STAG1: variants seen among roughly 807,000 people sequenced by gnomAD.
STAG1 encodes the protein cohesin subunit SA-1.
A neutral mutation model predicts 170.9 loss-of-function variants in STAG1; 26 were observed. That is an observed-to-expected ratio of 0.15 (90% CI 0.11 to 0.21). The LOEUF is 0.21. Among genes scored for constraint, STAG1 ranks in the 10% least tolerant of loss-of-function variants. The pLI is 1.00. For missense variants in STAG1, 964 were observed against 1,509.5 expected, an observed-to-expected ratio of 0.64 and a Z score of 5.99; for synonymous variants, 514 against 497.7, an observed-to-expected ratio of 1.03 and a Z score of -0.44.
intron 1 of STAG1, among the ~76,000 whole-genome samples, chr3:136,729,162 GT>G (rs1223906622): frequency 6.6e-6 from 1 of 151,784 alleles, no homozygotes; most frequent in Non-Finnish European, 1.5e-5. Context: ...CGTGTGTGTG[GT>G]TTTTTTGTTT....
intron 13 of STAG1, among the ~76,000 whole-genome samples, chr3:136,458,510 CA>C (rs1297510929): frequency 1.3e-5 from 2 of 151,968 alleles, no homozygotes; most frequent in Admixed American, 1.3e-4. Flanking sequence ...AGTGTAATCA[CA>C]AAGCAATGTC....
At chr3:136,370,262 G>A (rs1053874586) in intron 23 of STAG1, among the ~76,000 whole-genome samples, 4 of 152,064 alleles carry the variant, frequency 2.6e-5, no homozygotes, top group East Asian at 1.9e-4. Context: ...CACTGAAGAC[G>A]TTCCAATGAG....
Position 136,422,762 on chromosome 3 carries a change from C to A in STAG1, c.1833+6G>T, listed in dbSNP as rs774244619. ...CAGCTGAATTTCAATTTCATAATATCATTACCTTTTCCATTCTACCTGTGC... is the reference window on the plus strand; with the variant it reads ...CAGCTGAATTTCAATTTCATAATATAATTACCTTTTCCATTCTACCTGTGC... On this transcript the variant is annotated splice_donor_region_variant and intron_variant, in intron 18 of 33. Coordinates refer to ENST00000383202, the MANE Select transcript of STAG1 (RefSeq NM_005862.3). The A allele has an allele frequency of 1.3e-5, 20 of 1,585,796 alleles. No individual in the cohort carries two copies. The highest frequency in any genetic ancestry group is 1.6e-5 in the Non-Finnish European group (19 of 1,168,246).
At chr3:136,609,763 C>G (rs543226174) in intron 3 of STAG1, among the ~76,000 whole-genome samples, 1 of 151,996 alleles carries the variant, frequency 6.6e-6, no homozygotes, top group Non-Finnish European at 1.5e-5. Flanking sequence ...AGTGTAAATG[C>G]TTTTTGTTTT....
chr3:136,715,499 AG>A (rs1943517009), intron 1 of STAG1, among the ~76,000 whole-genome samples: 2 of 152,028 alleles, frequency 1.3e-5, no homozygotes, highest in Non-Finnish European at 2.9e-5. Context: ...ACACACCTGT[AG>A]TGCCAACTAC....
At chr3:136,417,438 C>T (rs1033816164) in intron 21 of STAG1, 1 of 153,954 alleles carries the variant, frequency 6.5e-6, no homozygotes, top group Non-Finnish European at 1.4e-5. Flanking sequence ...TCTACTCTAA[C>T]TTGTATATAT....
chr3:136,397,955 C>CTTTTTTTTTTTT (rs1279839273), intron 22 of STAG1, among the ~76,000 whole-genome samples: 2 of 151,054 alleles, frequency 1.3e-5, no homozygotes, highest in African/African-American at 4.9e-5. Flanking sequence ...TGATGTTATT[C>CTTTTTTTTTTTT]TTTTTTTTGA....
rs1286335066 is a variant in STAG1, at chr3:136,628,430, T to C, written c.29+2440A>G. The stretch of plus-strand genomic sequence containing the variant: ...ATTGTTCCTCCCTACTCACAGTTTA[T>C]CTCATGTCACTCTCCATCCCCAGTG... On this transcript the variant is annotated intron_variant, in intron 2 of 33. Transcript: ENST00000383202. Among the ~76,000 whole-genome samples the C allele has an allele frequency of 3.3e-5, 5 of 152,222 alleles. No individual in the cohort carries two copies. In the East Asian group the frequency reaches 9.6e-4, roughly 29 times the overall value.
intron 1 of STAG1, among the ~76,000 whole-genome samples, chr3:136,684,479 T>C (rs1019387788): frequency 1.3e-5 from 2 of 152,080 alleles, no homozygotes; most frequent in South Asian, 2.1e-4. Context: ...GCGGGGTGCA[T>C]TGGCTCGCGC....
chr3:136,369,133 G>A lies in STAG1; in HGVS notation c.2520C>T (p.Asp840=). Residue 840 remains aspartate (D), a synonymous_variant, in exon 24 of 34, where the codon GAC becomes GAT. Coordinates refer to ENST00000383202, the MANE Select transcript of STAG1 (RefSeq NM_005862.3). ...LSFVMDHVFI[D]QDEENQSMEG... is the part of the protein sequence containing the mutation. ...CCATGCTCTGGTTCTCCTCGTCTTG[G>A]TCAATAAAAACGTGATCCATCACAA... 6.4e-7 allele frequency: 1 copy of A among 1,568,658 alleles called. No individual in the cohort carries two copies. Among genetic ancestry groups the A allele is most frequent in the Non-Finnish European group, 8.6e-7 (1 of 1,162,864 alleles).
intron 5 of STAG1, among the ~76,000 whole-genome samples, chr3:136,561,883 C>T (rs532345058): frequency 6.6e-6 from 1 of 150,592 alleles, no homozygotes; most frequent in African/African-American, 2.5e-5. Flanking sequence ...CAGCAAAGTA[C>T]AAAGAACTTC....
intron 32 of STAG1, 125 bp downstream of exon 32, chr3:136,340,362 TCCAC>T (rs1479709202): frequency 1.5e-5 from 9 of 595,878 alleles, no homozygotes; most frequent in Non-Finnish European, 2.8e-5. Context: ...CCTCAGGTGA[TCCAC>T]CCACCTCAGC....
chr3:136,642,584 T>C (rs1369255377), intron 1 of STAG1, among the ~76,000 whole-genome samples: 1 of 152,150 alleles, frequency 6.6e-6, no homozygotes, highest in Non-Finnish European at 1.5e-5. Context: ...CAAGCAACCC[T>C]TGATGGACAA....
At chr3:136,666,021 G>A (rs1405033020) in intron 1 of STAG1, among the ~76,000 whole-genome samples, 3 of 136,140 alleles carry the variant, frequency 2.2e-5, no homozygotes, top group African/African-American at 2.7e-5. Context: ...CTTGCAGTGC[G>A]CCGAGATTGC....
At chr3:136,572,018 G>T (rs1353659853) in intron 4 of STAG1, among the ~76,000 whole-genome samples, 1 of 151,642 alleles carries the variant, frequency 6.6e-6, no homozygotes, top group Non-Finnish European at 1.5e-5. Context: ...CCCTATCTAT[G>T]CTAAAAATAC....
At chr3:136,528,286 G>A (rs1935173009) in intron 6 of STAG1, among the ~76,000 whole-genome samples, 1 of 152,084 alleles carries the variant, frequency 6.6e-6, no homozygotes, top group South Asian at 2.1e-4. Context: ...GCAATGGCAG[G>A]CGACCCTCCC....
intron 23 of STAG1, among the ~76,000 whole-genome samples, chr3:136,373,545 T>G (rs990451073): frequency 3.3e-5 from 5 of 152,196 alleles, no homozygotes; most frequent in African/African-American, 7.2e-5. Flanking sequence ...TCTGGTATGT[T>G]GTGTCTTTGT....
At chr3:136,476,063 G>C (rs945708173) in intron 10 of STAG1, among the ~76,000 whole-genome samples, 1 of 152,174 alleles carries the variant, frequency 6.6e-6, no homozygotes, top group Non-Finnish European at 1.5e-5. Flanking sequence ...TGAGAATCTT[G>C]AACTCCCCAT....
chr3:136,433,603 G>C lies in STAG1; in HGVS notation c.1603C>G (p.Gln535Glu), dbSNP rs141468384. Residue 535 changes from glutamine (Q) to glutamate (E), a missense_variant, in exon 16 of 34, where the codon CAA (glutamine) becomes GAA (glutamate). By Grantham distance (29) the Gln-to-Glu change is conservative (BLOSUM62 2). This residue lies in a region of STAG1 where 2 missense variants were observed against 18.1 expected (regional missense o/e 0.11). Transcript: ENST00000383202. ...ACTGGAGGATGTGCCTCAGCAGCTT[G>C]ACGAATTGTACAAACCATTAGCTCT... is the stretch of plus-strand genomic sequence containing the variant. ...LIELMVCTIR[Q>E]AAEAHPPVGR... 1 of 1,599,978 alleles carries C rather than the reference G, an allele frequency of 6.3e-7. No individual in the cohort carries two copies.
Sources: allele counts gnomAD v4.1 joint callset (sites outside exome capture counted in the v4.1 genomes callset), GRCh38; gene constraint gnomAD v4.1.1; regional missense constraint gnomAD v4.1.1; transcripts MANE v1.5; gene names NCBI Gene and HGNC (gene_info 2026-07-23, HGNC 2026-07-21).